The following CLSTN2 variants were observed in gnomAD, a reference collection of about 807,000 sequenced individuals.
The protein encoded by CLSTN2 is calsyntenin-2.
A neutral mutation model predicts 101.2 loss-of-function variants in CLSTN2; 48 were observed. The observed-to-expected ratio is 0.47, with a 90% CI of 0.38 to 0.60. The LOEUF (loss-of-function observed/expected upper bound fraction) is 0.60, where lower values mean the gene tolerates loss of function less well. Among genes scored for constraint, CLSTN2 ranks in the 20% least tolerant of loss-of-function variants. The pLI is 0.00. For missense variants in CLSTN2, 1,160 were observed against 1,238.2 expected, an observed-to-expected ratio of 0.94 and a Z score of 0.95; for synonymous variants, 481 against 463.6, an observed-to-expected ratio of 1.04 and a Z score of -0.48.
chr3:140,304,017 C>G (rs2087087331), intron 2 of CLSTN2, among the ~76,000 whole-genome samples: 1 of 151,988 alleles, frequency 6.6e-6, no homozygotes. Context: ...ACCAGAAAAC[C>G]TACTCATTTG....
At position 140,568,008 on chromosome 3, in the gene CLSTN2, T is replaced by A. The variant is rs922882014; in HGVS notation, c.*1755T>A. ...TTCCTTTGGACCTCACAACAAATCC[T>A]GTGAAGTAACTGAGACATCTGTTGT... On this transcript the variant is annotated 3_prime_UTR_variant, in exon 17 of 17. Transcript: ENST00000458420. 3.9e-5 allele frequency: 6 copies of A among 152,258 alleles called. No homozygotes were observed. The highest frequency in any genetic ancestry group is 1.4e-4 in the African/African-American group (6 of 41,456). The allele number at this position is 152,258 out of a possible 1,614,324, so 9.4% of individuals were successfully genotyped here. A position where few individuals can be genotyped will look rare whatever the true frequency, so the allele number is the denominator to read the frequency against.
At position 140,419,553 on chromosome 3, in the gene CLSTN2, G is replaced by A. The variant is rs550854277; in HGVS notation, c.638-1572G>A. 6.0e-4 allele frequency among the ~76,000 whole-genome samples: 29 copies of A among 48,062 alleles called. 7 individuals carry two copies. Among genetic ancestry groups the A allele is most frequent in the Admixed American group, 2.1e-3 (11 of 5,148 alleles). The allele number at this position is 48,062 out of a possible 152,430, so 31.5% of individuals were successfully genotyped here. On this transcript the variant is annotated intron_variant, in intron 4 of 16. Coordinates refer to ENST00000458420, the MANE Select transcript of CLSTN2 (RefSeq NM_022131.3). ...TGTGTATATATATACATATATACGT[G>A]TACGTATATATGTATATATACATAT...
At chr3:140,276,617 G>A (rs938685892) in intron 2 of CLSTN2, among the ~76,000 whole-genome samples, 1 of 152,186 alleles carries the variant, frequency 6.6e-6, no homozygotes, top group African/African-American at 2.4e-5. Flanking sequence ...GGTTACTGCT[G>A]TGGGTATCTG....
intron 1 of CLSTN2, among the ~76,000 whole-genome samples, chr3:140,042,308 G>A (rs533227571): frequency 3.3e-5 from 5 of 152,070 alleles, no homozygotes; most frequent in East Asian, 3.8e-4. Context: ...TGAGTATTGC[G>A]CATAAATGGA....
At chr3:140,049,546 G>T (rs2007949305) in intron 1 of CLSTN2, among the ~76,000 whole-genome samples, 1 of 152,080 alleles carries the variant, frequency 6.6e-6, no homozygotes, top group Non-Finnish European at 1.5e-5. Flanking sequence ...CAGTACTGGG[G>T]CTGACACACA....
chr3:140,032,238 CTT>C (rs62708360), intron 1 of CLSTN2, among the ~76,000 whole-genome samples: 12 of 143,368 alleles, frequency 8.4e-5, no homozygotes, highest in Non-Finnish European at 9.2e-5. Context: ...CACATGTAAC[CTT>C]TTTTTTTTTT....
intron 8 of CLSTN2, among the ~76,000 whole-genome samples, chr3:140,513,199 A>T (rs570379010): frequency 6.6e-6 from 1 of 152,256 alleles, no homozygotes; most frequent in South Asian, 2.1e-4. Flanking sequence ...TTTCAAGGGG[A>T]ATGCGTCCAG....
intron 1 of CLSTN2, among the ~76,000 whole-genome samples, chr3:139,953,833 C>T (rs1295824569): frequency 6.6e-6 from 1 of 152,150 alleles, no homozygotes; most frequent in East Asian, 1.9e-4. Flanking sequence ...CCACCTCCTA[C>T]ACACACACCT....
intron 1 of CLSTN2, among the ~76,000 whole-genome samples, chr3:140,005,470 G>A (rs557882525): frequency 2.6e-5 from 4 of 152,096 alleles, no homozygotes; most frequent in South Asian, 2.1e-4. Flanking sequence ...CTAGATCTTC[G>A]TTCACCCCCT....
chr3:140,361,589 T>G (rs58921743), intron 2 of CLSTN2, among the ~76,000 whole-genome samples: 13,522 of 152,132 alleles, frequency 0.089, 960 homozygotes, highest in African/African-American at 0.2. Context: ...AAATTCTAGA[T>G]TCAACAAAAT....
chr3:139,943,697 C>G (rs187536934), intron 1 of CLSTN2, among the ~76,000 whole-genome samples: 1 of 152,310 alleles, frequency 6.6e-6, no homozygotes, highest in East Asian at 1.9e-4. Flanking sequence ...GGAGCTGGAA[C>G]AGGCTACCGG....
intron 4 of CLSTN2, among the ~76,000 whole-genome samples, chr3:140,405,982 G>A (rs2088298369): frequency 6.8e-6 from 1 of 147,330 alleles, no homozygotes; most frequent in Non-Finnish European, 1.5e-5. Context: ...GAGATAGAGT[G>A]GAACTTAAAA....
At chr3:140,347,810 G>T (rs1201756349) in intron 2 of CLSTN2, among the ~76,000 whole-genome samples, 1 of 152,162 alleles carries the variant, frequency 6.6e-6, no homozygotes, top group Non-Finnish European at 1.5e-5. Context: ...AATTGTTAAA[G>T]AATTTATATG....
chr3:140,353,748 A>G (rs2107944449), intron 2 of CLSTN2, among the ~76,000 whole-genome samples: 1 of 152,314 alleles, frequency 6.6e-6, no homozygotes, highest in South Asian at 2.1e-4. Flanking sequence ...AAATATTAAT[A>G]ATTAATGATA....
At chr3:140,404,802 A>G in intron 4 of CLSTN2, 36 bp downstream of exon 4, 2 of 1,568,464 alleles carry the variant, frequency 1.3e-6, no homozygotes, top group Non-Finnish European at 1.8e-6. Flanking sequence ...GGGGTCAGGA[A>G]AACAAATCCA....
intron 1 of CLSTN2, among the ~76,000 whole-genome samples, chr3:140,071,376 C>T (rs2066467105): frequency 6.6e-6 from 1 of 152,050 alleles, no homozygotes; most frequent in African/African-American, 2.4e-5. Flanking sequence ...AATACCTTTA[C>T]TTTAGAGAAG....
chr3:140,462,358 T>A (rs531640372), intron 7 of CLSTN2, among the ~76,000 whole-genome samples: 2 of 152,346 alleles, frequency 1.3e-5, no homozygotes, highest in Admixed American at 6.5e-5. Flanking sequence ...ATATTTAGAT[T>A]GTCTCCTTTT....
At chr3:140,141,143 G>C (rs543396031) in intron 1 of CLSTN2, among the ~76,000 whole-genome samples, 2 of 152,336 alleles carry the variant, frequency 1.3e-5, no homozygotes, top group Admixed American at 6.5e-5. Context: ...GGTATTCTAT[G>C]TTCTACCCCT....
chr3:140,439,182 T>C (rs1273890746), intron 5 of CLSTN2, among the ~76,000 whole-genome samples: 1 of 152,230 alleles, frequency 6.6e-6, no homozygotes, highest in East Asian at 1.9e-4. Context: ...GAACGGAATG[T>C]GGTGTCTCAG....
Sources: allele counts gnomAD v4.1 joint callset (sites outside exome capture counted in the v4.1 genomes callset), GRCh38; gene constraint gnomAD v4.1.1; transcripts MANE v1.5; gene names NCBI Gene and HGNC (gene_info 2026-07-23, HGNC 2026-07-21).